JHY: variants seen among roughly 807,000 people sequenced by gnomAD.
JHY encodes the protein jhy protein homolog.
Under a neutral mutation model 78.0 loss-of-function variants are expected in JHY, and 69 were observed. That is an observed-to-expected ratio of 0.88 (90% CI 0.73 to 1.08). The LOEUF (loss-of-function observed/expected upper bound fraction) is 1.08. Among genes scored for constraint, JHY ranks in the 50% least tolerant of loss-of-function variants. The pLI, the probability that JHY is intolerant of heterozygous loss-of-function variation, is 0.00. For missense variants in JHY, 944 were observed against 927.8 expected (o/e 1.02, Z -0.23); for synonymous variants, 368 against 342.6 (o/e 1.07, Z -0.82).
Position 122,963,459 on chromosome 11 carries a change from G to A in JHY, c.*4014G>A, listed in dbSNP as rs1864352413. On this transcript the variant is annotated 3_prime_UTR_variant, in exon 9 of 9. Coordinates refer to ENST00000227349, the MANE Select transcript of JHY (RefSeq NM_024806.4). Reference sequence around the variant, plus strand: ...CAGAAAGTTTGGGGTTGAAATCAAAGAATGGATCAAAGTGGCCCTTCATTT... The same window carrying A: ...CAGAAAGTTTGGGGTTGAAATCAAAAAATGGATCAAAGTGGCCCTTCATTT... 6.6e-6 allele frequency among the ~76,000 whole-genome samples: 1 copy of A among 152,150 alleles called. No homozygotes were observed. Among genetic ancestry groups the A allele is most frequent in the African/African-American group, 2.4e-5 (1 of 41,444 alleles).
chr11:122,963,241 C>T lies in JHY; in HGVS notation c.*3796C>T. On this transcript the variant is annotated 3_prime_UTR_variant, in exon 9 of 9. Transcript: ENST00000227349. ...CGTTGTTAAATCCTTCACTTTCACA[C>T]CTACTGTCAAGAACCCAAATTTGGC... Among the ~76,000 whole-genome samples, 1 of 152,094 alleles carries T rather than the reference C, an allele frequency of 6.6e-6. No individual in the cohort carries two copies. Among genetic ancestry groups the T allele is most frequent in the African/African-American group, 2.4e-5 (1 of 41,422 alleles).
chr11:122,929,803 T>G (rs1863599660), intron 4 of JHY, among the ~76,000 whole-genome samples: 1 of 152,230 alleles, frequency 6.6e-6, no homozygotes, highest in African/African-American at 2.4e-5. Context: ...ATGTTTAAAA[T>G]TGTTCAATCT....
At chr11:122,884,527 C>T (rs943020843) in intron 1 of JHY, among the ~76,000 whole-genome samples, 1 of 152,002 alleles carries the variant, frequency 6.6e-6, no homozygotes, top group Non-Finnish European at 1.5e-5. Flanking sequence ...AAGCACAATC[C>T]AAAAACATCA....
chr11:122,925,837 G>A (rs1196195726), intron 4 of JHY, among the ~76,000 whole-genome samples: 1 of 152,054 alleles, frequency 6.6e-6, no homozygotes, highest in Non-Finnish European at 1.5e-5. Flanking sequence ...CCAATATGGT[G>A]AAACCCCATC....
intron 6 of JHY, 117 bp downstream of exon 6, chr11:122,946,909 G>A (rs1049867993): frequency 6.5e-6 from 8 of 1,239,058 alleles, no homozygotes; most frequent in Non-Finnish European, 8.9e-6. Context: ...GCCACACTGG[G>A]TCGCCCAGAG....
intron 6 of JHY, among the ~76,000 whole-genome samples, chr11:122,955,214 G>A (rs775099373): frequency 1.3e-4 from 20 of 152,036 alleles, no homozygotes; most frequent in African/African-American, 4.8e-4. Flanking sequence ...TCCGCTTCCC[G>A]GGTTCAAGCG....
rs1258312144 is a variant in JHY, at chr11:122,904,429, A to C, written c.849A>C (p.Glu283Asp). The change falls in exon 3 of 9, where the codon GAA (glutamate) becomes GAC (aspartate). Residue 283 changes from glutamate to aspartate, a missense_variant. Coordinates refer to ENST00000227349, the MANE Select transcript of JHY (RefSeq NM_024806.4). ...YLQLHNKKRG[E>D]SHPEQISYPV... Reference sequence around the variant, plus strand: ...AACTTCACAATAAAAAAAGAGGGGAATCTCATCCAGAACAGGTACGTAGTG... The same window carrying C: ...AACTTCACAATAAAAAAAGAGGGGACTCTCATCCAGAACAGGTACGTAGTG... The C allele has an allele frequency of 1.2e-6, 2 of 1,613,060 alleles. No individual in the cohort carries two copies.
In JHY at chr11:122,903,949, T is replaced by C; in HGVS notation, c.369T>C (p.Tyr123=). Residue 123 remains tyrosine (Y), a synonymous_variant, in exon 3 of 9, where the codon TAT becomes TAC. Coordinates refer to ENST00000227349, the MANE Select transcript of JHY (RefSeq NM_024806.4). The part of the protein sequence containing the change: ...NNRQQPIEDK[Y]SDLRYDPNWK... The stretch of plus-strand genomic sequence containing the variant: ...GGCAACAACCAATAGAAGACAAATA[T>C]TCAGACCTCCGCTATGACCCGAACT... The C allele has an allele frequency of 1.2e-6, 2 of 1,600,928 alleles. No individual in the cohort carries two copies. The highest frequency in any genetic ancestry group is 1.7e-4 in the Middle Eastern group (1 of 5,990).
rs35199481 is a variant in JHY, at chr11:122,955,166, G to T, written c.1930-1330G>T. On this transcript the variant is annotated intron_variant, in intron 6 of 8. Coordinates refer to ENST00000227349, the MANE Select transcript of JHY (RefSeq NM_024806.4). ...AATAGAATCTCTCTCTGTCACTCAGGCTGGAATGCAGTGTTGCAATCTCAG... is the reference window on the plus strand; with the variant it reads ...AATAGAATCTCTCTCTGTCACTCAGTCTGGAATGCAGTGTTGCAATCTCAG... 7.4e-3 allele frequency among the ~76,000 whole-genome samples: 1,133 copies of T among 152,226 alleles called. 11 individuals carry two copies. Among genetic ancestry groups the T allele is most frequent in the Non-Finnish European group, 0.012 (811 of 68,008 alleles).
In JHY at chr11:122,904,038, G is replaced by A. The variant is rs1453372417; in HGVS notation, c.458G>A (p.Ser153Asn). 1.2e-6 allele frequency: 2 copies of A among 1,614,146 alleles called. No individual in the cohort carries two copies. The highest frequency in any genetic ancestry group is 2.2e-5 in the East Asian group (1 of 44,880). ...SVEALPESTD[S>N]SLENLPLAPL... Reference sequence around the variant, plus strand: ...GAAGCGTTGCCGGAGTCCACGGACAGCTCTTTAGAAAATCTGCCTTTGGCT... The same window carrying A: ...GAAGCGTTGCCGGAGTCCACGGACAACTCTTTAGAAAATCTGCCTTTGGCT... Residue 153 changes from serine to asparagine, a missense_variant, in exon 3 of 9, where the codon AGC becomes AAC. Physicochemically the swap from Ser to Asn is conservative, Grantham distance 46 (BLOSUM62 1). Transcript: ENST00000227349.
rs75858776 is a variant in JHY, at chr11:122,934,509, A to G, written c.1068A>G (p.Gln356=). The change falls in exon 5 of 9, where the codon CAA becomes CAG. Residue 356 remains glutamine, a synonymous_variant. Transcript: ENST00000227349. The part of the protein sequence containing the change: ...GQPSDMVNDH[Q]PSRRPAKLKI... ...CTTCTGACATGGTGAATGACCATCA[A>G]CCTTCCAGAAGACCAGCCAAGCTCA... The G allele has an allele frequency of 6.8e-4, 1,097 of 1,614,050 alleles. 3 individuals carry two copies. In the African/African-American group the frequency reaches 0.012, roughly 17 times the overall value.
rs1209771235 is a variant in JHY, at chr11:122,963,058, A to G, written c.*3613A>G. Among the ~76,000 whole-genome samples the G allele has an allele frequency of 2.0e-5, 3 of 152,180 alleles. No individual in the cohort carries two copies. Among genetic ancestry groups the G allele is most frequent in the Admixed American group, 6.5e-5 (1 of 15,268 alleles). On this transcript the variant is annotated 3_prime_UTR_variant, in exon 9 of 9. Coordinates refer to ENST00000227349, the MANE Select transcript of JHY (RefSeq NM_024806.4). ...TGTACCTAATAGTTTTTTAGCATGT[A>G]CAATCTGCCAACTTCCTTACAACAT...
At chr11:122,951,492 C>G (rs1864082101) in intron 6 of JHY, among the ~76,000 whole-genome samples, 1 of 152,212 alleles carries the variant, frequency 6.6e-6, no homozygotes, top group South Asian at 2.1e-4. Flanking sequence ...ATTTCCTTCA[C>G]TTGCTGTTCC....
chr11:122,892,811 T>C (rs2135287532), intron 2 of JHY, among the ~76,000 whole-genome samples: 1 of 152,306 alleles, frequency 6.6e-6, no homozygotes, highest in South Asian at 2.1e-4. Flanking sequence ...CTCAGGATTT[T>C]CATTTCCCCC....
chr11:122,882,764 C>T lies in JHY; in HGVS notation c.-298C>T, dbSNP rs1399364185. The T allele has an allele frequency of 3.3e-5, 5 of 152,824 alleles. No individual in the cohort carries two copies. The highest frequency in any genetic ancestry group is 1.2e-4 in the African/African-American group (5 of 41,462). 9.5% of individuals were successfully genotyped at this position (152,824 alleles called of 1,614,324 possible). On this transcript the variant is annotated 5_prime_UTR_variant, in exon 1 of 9. Transcript: ENST00000227349. ...TCTGCCCCGATGTCGTTATTACGGC[C>T]GTTTGCAGCCTCCGTGCCAGGGCCG...
chr11:122,934,523 C>G lies in JHY; in HGVS notation c.1082C>G (p.Pro361Arg). Reference sequence around the variant, plus strand: ...AATGACCATCAACCTTCCAGAAGACCAGCCAAGCTCAAGATTCGAAAGCAG... The same window carrying G: ...AATGACCATCAACCTTCCAGAAGACGAGCCAAGCTCAAGATTCGAAAGCAG... Reference protein sequence around the residue: ...MVNDHQPSRRPAKLKIRKQCK... With the variant: ...MVNDHQPSRRRAKLKIRKQCK... The change falls in exon 5 of 9, where the codon CCA becomes CGA. Residue 361 changes from proline to arginine, a missense_variant. Transcript: ENST00000227349. 6.2e-7 allele frequency: 1 copy of G among 1,613,952 alleles called. No individual in the cohort carries two copies. The highest frequency in any genetic ancestry group is 1.1e-5 in the South Asian group (1 of 91,058).
chr11:122,932,897 A>G (rs1863666057), intron 4 of JHY, among the ~76,000 whole-genome samples: 1 of 152,202 alleles, frequency 6.6e-6, no homozygotes. Flanking sequence ...TGGGAGCACC[A>G]CAGGTAAAAA....
At chr11:122,888,326 A>G (rs1406478573) in intron 2 of JHY, among the ~76,000 whole-genome samples, 1 of 152,214 alleles carries the variant, frequency 6.6e-6, no homozygotes, top group Non-Finnish European at 1.5e-5. Flanking sequence ...TAAACACACA[A>G]TGGGCAAAGA....
chr11:122,893,719 T>C (rs1373228059), intron 2 of JHY, among the ~76,000 whole-genome samples: 2 of 152,228 alleles, frequency 1.3e-5, no homozygotes, highest in African/African-American at 2.4e-5. Flanking sequence ...ATTTTTTTAA[T>C]ATATGGAATT....
Sources: allele counts gnomAD v4.1 joint callset (sites outside exome capture counted in the v4.1 genomes callset), GRCh38; gene constraint gnomAD v4.1.1; transcripts MANE v1.5; gene names NCBI Gene and HGNC (gene_info 2026-07-23, HGNC 2026-07-21).